Variants in DNAJC21 observed in about 807,000 individuals in gnomAD.
DNAJC21 encodes DnaJ heat shock protein family (Hsp40) member C21.
In DNAJC21, 63 loss-of-function variants were observed where a neutral mutation model predicts 72.4. The observed-to-expected ratio is 0.87, with a 90% confidence interval of 0.71 to 1.07. The LOEUF is 1.07. Among genes scored for constraint, DNAJC21 ranks in the 50% least tolerant of loss-of-function variants. The pLI is 0.00. For synonymous variants in DNAJC21, 203 were observed against 216.7 expected, an observed-to-expected ratio of 0.94 and a Z score of 0.56; for missense variants, 634 against 644.8, an observed-to-expected ratio of 0.98 and a Z score of 0.18.
chr5:34,956,545 A>G lies in DNAJC21; in HGVS notation c.*1831A>G, dbSNP rs1765543543. On this transcript the variant is annotated 3_prime_UTR_variant, in exon 12 of 12. Coordinates refer to ENST00000648817, the MANE Select transcript of DNAJC21 (RefSeq NM_001012339.3). ...CTAGATGAATTGGCCATAATTATGA[A>G]TAGGAATATTAATGAACCAGAGGAC... 1 of 152,164 alleles carries G rather than the reference A, an allele frequency of 6.6e-6. No individual in the cohort carries two copies. Among genetic ancestry groups the G allele is most frequent in the South Asian group, 2.1e-4 (1 of 4,822 alleles). The allele number at this position is 152,164 out of a possible 1,614,324, so 9.4% of individuals were successfully genotyped here.
At position 34,937,592 on chromosome 5, in the gene DNAJC21, C is replaced by G. The variant is rs750580948; in HGVS notation, c.705C>G (p.Ala235=). The G allele has an allele frequency of 1.2e-6, 2 of 1,613,342 alleles. No individual in the cohort carries two copies. The highest frequency in any genetic ancestry group is 8.5e-7 in the Non-Finnish European group (1 of 1,179,642). The change falls in exon 5 of 12, where the codon GCC becomes GCG. Residue 235 remains alanine, a synonymous_variant. Transcript: ENST00000648817. The part of the protein sequence containing the change: ...EEQNAEKARK[A]EEMRRQQKLK... ...AGAATGCAGAGAAGGCGAGGAAAGC[C>G]GAAGAGATGAGGCGGCAGCAGAAGC...
At chr5:34,947,292 A>G (rs1049173571) in intron 9 of DNAJC21, among the ~76,000 whole-genome samples, 5 of 152,224 alleles carry the variant, frequency 3.3e-5, no homozygotes, top group South Asian at 2.1e-4. Context: ...TCCAAGGGAT[A>G]TAGTTGAAAG....
chr5:34,934,604 A>G (rs1215162051), intron 2 of DNAJC21, among the ~76,000 whole-genome samples: 1 of 152,222 alleles, frequency 6.6e-6, no homozygotes, highest in African/African-American at 2.4e-5. Context: ...AAGCTTCTGC[A>G]TCTGTGACAG....
intron 7 of DNAJC21, among the ~76,000 whole-genome samples, chr5:34,942,184 C>G (rs1765018296): frequency 6.6e-6 from 1 of 152,174 alleles, no homozygotes; most frequent in South Asian, 2.1e-4. Flanking sequence ...TCACTTCCCA[C>G]CATCATTGTC....
intron 11 of DNAJC21, chr5:34,954,321 C>T: frequency 2.0e-6 from 1 of 503,976 alleles, no homozygotes; most frequent in East Asian, 3.3e-5. Flanking sequence ...CTTTTTTAGT[C>T]CATGAGGTAC....
At chr5:34,941,475 A>G (rs967335901) in intron 7 of DNAJC21, among the ~76,000 whole-genome samples, 4 of 151,770 alleles carry the variant, frequency 2.6e-5, no homozygotes, top group African/African-American at 9.7e-5. Context: ...CACCTGCCTC[A>G]GCCTTTCAAA....
chr5:34,930,660 GAGT>G (rs1764560818), intron 1 of DNAJC21, among the ~76,000 whole-genome samples: 1 of 152,126 alleles, frequency 6.6e-6, no homozygotes, highest in East Asian at 1.9e-4. Flanking sequence ...GAAACTAAGA[GAGT>G]AGTTGACTTT....
intron 4 of DNAJC21, 123 bp downstream of exon 4, chr5:34,936,389 T>C: frequency 8.6e-7 from 1 of 1,168,208 alleles, no homozygotes; most frequent in Non-Finnish European, 1.2e-6. Context: ...TATGATCATA[T>C]CTCACAGCAG....
intron 3 of DNAJC21, 78 bp downstream of exon 3, chr5:34,935,911 T>C: frequency 6.3e-7 from 1 of 1,575,682 alleles, no homozygotes; most frequent in Non-Finnish European, 8.7e-7. Context: ...TTCTTAAAAC[T>C]ATTCTGTAAT....
intron 10 of DNAJC21, chr5:34,952,820 A>T (rs1765420538): frequency 6.6e-6 from 1 of 152,204 alleles, no homozygotes; most frequent in Non-Finnish European, 1.5e-5. Context: ...TCTCTGTGCG[A>T]CTATTGAAGT....
rs201932309 is a variant in DNAJC21 at position 34,954,635 on chromosome 5, A to G, written c.1517A>G (p.His506Arg). ...KLFDHLKATG[H>R]ARAPSSSSLN... ...TTTGACCATCTAAAGGCCACAGGTC[A>G]TGCAAGAGCACCTTCATCATCGTCT... The change falls in exon 12 of 12, where the codon CAT (histidine) becomes CGT (arginine). Residue 506 changes from histidine (H) to arginine (R), a missense_variant. By Grantham distance (29) the His-to-Arg change is conservative. Coordinates refer to ENST00000648817, the MANE Select transcript of DNAJC21 (RefSeq NM_001012339.3). 4 of 1,613,820 alleles carry G rather than the reference A, an allele frequency of 2.5e-6. No homozygotes were observed. The highest frequency in any genetic ancestry group is 2.5e-6 in the Non-Finnish European group (3 of 1,179,904).
Position 34,941,081 on chromosome 5 carries a change from G to T in DNAJC21, c.896-15G>T. ...TGATCAAAGAGGGTTCTTACTGTAG[G>T]CTTCCCTGTCATAGGTAAAGACAGT... On this transcript the variant is annotated splice_polypyrimidine_tract_variant and intron_variant, in intron 6 of 11. Transcript: ENST00000648817. 6.2e-7 allele frequency: 1 copy of T among 1,608,902 alleles called. No homozygotes were observed. Among genetic ancestry groups the T allele is most frequent in the Non-Finnish European group, 8.5e-7 (1 of 1,175,694 alleles).
chr5:34,953,709 TAATTTTTGTGCC>T (rs1765450853), intron 10 of DNAJC21: 1 of 436,414 alleles, frequency 2.3e-6, no homozygotes, highest in African/African-American at 2.0e-5. Context: ...GGAAATTCCT[TAATTTTTGTGCC>T]AAATTTGATA....
intron 10 of DNAJC21, chr5:34,952,169 A>G (rs112939277): frequency 3.0e-6 from 3 of 985,062 alleles, no homozygotes; most frequent in Non-Finnish European, 3.6e-6. Context: ...TTTAAAAAAT[A>G]AAGGTCTTAG....
In DNAJC21 at chr5:34,941,175, A is replaced by C; in HGVS notation, c.975A>C (p.Thr325=). 10 of 1,613,952 alleles carry C rather than the reference A, an allele frequency of 6.2e-6. No individual in the cohort carries two copies. Among genetic ancestry groups the C allele is most frequent in the Non-Finnish European group, 8.5e-6 (10 of 1,179,872 alleles). The change falls in exon 7 of 12, where the codon ACA becomes ACC. Residue 325 remains threonine, a synonymous_variant. Coordinates refer to ENST00000648817, the MANE Select transcript of DNAJC21 (RefSeq NM_001012339.3). Reference sequence around the variant, plus strand: ...CAGCATGTGACAAATCGTTCAAGACAGAAAAGGCGTAAGTTTATTAATTTA... The same window carrying C: ...CAGCATGTGACAAATCGTTCAAGACCGAAAAGGCGTAAGTTTATTAATTTA... ...YCPACDKSFK[T]EKAMKNHEKS... is the part of the protein sequence containing the mutation.
chr5:34,947,279 C>T (rs1022167676), intron 9 of DNAJC21, among the ~76,000 whole-genome samples: 2 of 152,120 alleles, frequency 1.3e-5, no homozygotes, highest in Non-Finnish European at 2.9e-5. Flanking sequence ...TGACTGAATA[C>T]CTTCCAAGGG....
chr5:34,943,546 T>C (rs1765070075), intron 7 of DNAJC21, among the ~76,000 whole-genome samples: 2 of 152,232 alleles, frequency 1.3e-5, no homozygotes, highest in African/African-American at 4.8e-5. Flanking sequence ...TAGTATTTTT[T>C]CCCTTGCAAC....
chr5:34,957,733 G>C lies in DNAJC21; in HGVS notation c.*3019G>C, dbSNP rs1765576454. On this transcript the variant is annotated 3_prime_UTR_variant, in exon 12 of 12. Transcript: ENST00000648817. ...AGTAAAATTCCTATAGCAAGACATA[G>C]TTTCATTTTAGAGGACCCCCAAAAT... The C allele has an allele frequency of 6.6e-6, 1 of 152,182 alleles. No homozygotes were observed. The highest frequency in any genetic ancestry group is 2.1e-4 in the South Asian group (1 of 4,832). 9.4% of individuals were successfully genotyped at this position (152,182 alleles called of 1,614,324 possible). A position where few individuals can be genotyped will look rare whatever the true frequency, so the allele number is the denominator to read the frequency against.
In DNAJC21 at chr5:34,956,892, T is replaced by A. The variant is rs1281199446; in HGVS notation, c.*2178T>A. The A allele has an allele frequency of 2.0e-5, 3 of 152,208 alleles. No homozygotes were observed. Among genetic ancestry groups the A allele is most frequent in the Non-Finnish European group, 2.9e-5 (2 of 68,042 alleles). The allele number at this position is 152,208 out of a possible 1,614,324, so 9.4% of individuals were successfully genotyped here. A position where few individuals can be genotyped will look rare whatever the true frequency, so the allele number is the denominator to read the frequency against. On this transcript the variant is annotated 3_prime_UTR_variant, in exon 12 of 12. Coordinates refer to ENST00000648817, the MANE Select transcript of DNAJC21 (RefSeq NM_001012339.3). Reference sequence around the variant, plus strand: ...TAACACAGTTATTACCATAATAATATTGTCTCCATTTATCATACAGGATCA... The same window carrying A: ...TAACACAGTTATTACCATAATAATAATGTCTCCATTTATCATACAGGATCA...
Sources: allele counts gnomAD v4.1 joint callset (sites outside exome capture counted in the v4.1 genomes callset), GRCh38; gene constraint gnomAD v4.1.1; transcripts MANE v1.5; gene names NCBI Gene and HGNC (gene_info 2026-07-23, HGNC 2026-07-21).